The following AFAP1L2 variants were observed in gnomAD, a reference collection of about 807,000 sequenced individuals.
AFAP1L2 encodes the protein actin filament-associated protein 1-like 2.
Under a neutral mutation model 99.3 loss-of-function variants are expected in AFAP1L2, and 46 were observed. That is an observed-to-expected ratio of 0.46 (90% confidence interval 0.37 to 0.59). The LOEUF is 0.59. Among genes scored for constraint, AFAP1L2 ranks in the 20% least tolerant of loss-of-function variants. The pLI is 0.00. For missense variants in AFAP1L2, 959 were observed against 1,034.9 expected, an observed-to-expected ratio of 0.93 and a Z score of 1.01; for synonymous variants, 397 against 419.1, an observed-to-expected ratio of 0.95 and a Z score of 0.64.
rs200340308 is a variant in AFAP1L2 at position 114,307,862 on chromosome 10, G to C, written c.1015C>G (p.Leu339Val). 1 of 1,614,168 alleles carries C rather than the reference G, an allele frequency of 6.2e-7. No homozygotes were observed. Among genetic ancestry groups the C allele is most frequent in the African/African-American group, 1.3e-5 (1 of 75,036 alleles). Residue 339 changes from leucine to valine, a missense_variant, in exon 10 of 19, where the codon CTG (leucine) becomes GTG (valine). Leu to Val is a conservative substitution (Grantham distance 32). This residue lies in a region of AFAP1L2 where 383 missense variants were observed against 472.8 expected (regional missense o/e 0.81). Coordinates refer to ENST00000304129, the MANE Select transcript of AFAP1L2 (RefSeq NM_001001936.3). Reference protein sequence around the residue: ...AGLKLSNLMNLGRKKSTSLEP... With the variant: ...AGLKLSNLMNVGRKKSTSLEP... ...AGTGAGGTGGATTTCTTCCTGCCCA[G>C]ATTCATTAGGTTGCTCAGTTTGAGG...
chr10:114,289,364 G>A, the AFAP1L2 span: 3 of 1,614,216 alleles, frequency 1.9e-6, no homozygotes, highest in Non-Finnish European at 2.5e-6. Flanking sequence ...TTGGTCGTGG[G>A]CGTGGGGCCT....
chr10:114,297,178 G>A, intron 17 of AFAP1L2, 42 bp downstream of exon 17: 2 of 1,609,590 alleles, frequency 1.2e-6, no homozygotes, highest in Non-Finnish European at 8.5e-7. Flanking sequence ...CATGTCCAGG[G>A]AGCCCTGCAA....
chr10:114,290,089 A>G (rs2039417607), downstream of AFAP1L2: 1 of 979,446 alleles, frequency 1.0e-6, no homozygotes, highest in Admixed American at 2.7e-5. Flanking sequence ...TAACCTAGCC[A>G]AGTGGTATGC....
At chr10:114,379,986 C>T (rs1288537878) in intron 1 of AFAP1L2, among the ~76,000 whole-genome samples, 2 of 152,216 alleles carry the variant, frequency 1.3e-5, no homozygotes, top group Non-Finnish European at 2.9e-5. Flanking sequence ...TGTGAGGCGG[C>T]AGGGGCGGGG....
chr10:114,390,763 C>G (rs548535077), intron 1 of AFAP1L2, among the ~76,000 whole-genome samples: 1 of 150,656 alleles, frequency 6.6e-6, no homozygotes, highest in African/African-American at 2.4e-5. Flanking sequence ...TCCAGACTGG[C>G]TGTACTAGCC....
At chr10:114,339,695 G>A (rs773528594) in intron 2 of AFAP1L2, among the ~76,000 whole-genome samples, 9 of 152,180 alleles carry the variant, frequency 5.9e-5, no homozygotes, top group South Asian at 2.1e-4. Flanking sequence ...GACCCTAATC[G>A]ACTATGACTG....
Position 114,370,436 on chromosome 10 carries a change from G to A in AFAP1L2, c.17-29705C>T, listed in dbSNP as rs141937405. 6.0e-3 allele frequency among the ~76,000 whole-genome samples: 915 copies of A among 152,330 alleles called. 8 individuals are homozygous for A. Among genetic ancestry groups the A allele is most frequent in the African/African-American group, 0.021 (876 of 41,574 alleles). ...ACTTCCACCCTCACATGAACAGGAT[G>A]TAAGAGTCTGGGTAAGCCCAGCAGG... On this transcript the variant is annotated intron_variant, in intron 1 of 18. Coordinates refer to ENST00000304129, the MANE Select transcript of AFAP1L2 (RefSeq NM_001001936.3).
chr10:114,333,227 C>A lies in AFAP1L2; in HGVS notation c.214G>T (p.Gly72Cys). 6.2e-7 allele frequency: 1 copy of A among 1,613,366 alleles called. No individual in the cohort carries two copies. The highest frequency in any genetic ancestry group is 8.5e-7 in the Non-Finnish European group (1 of 1,179,712). The change falls in exon 3 of 19, where the codon GGC becomes TGC. Residue 72 changes from glycine (G) to cysteine (C), a missense_variant. Physicochemically the swap from Gly to Cys is radical, Grantham distance 159. Around this residue, in one of 2 missense-constraint regions of AFAP1L2, gnomAD observed 383 missense variants for 472.8 expected, o/e 0.81. Coordinates refer to ENST00000304129, the MANE Select transcript of AFAP1L2 (RefSeq NM_001001936.3). ...INKQQNAESQ[G>C]KAPEEQGLLP... ...AGTGATCCCAGCCTCATACCTTTGC[C>A]TTGAGACTCTGCATTCTGTTGCTTG...
intron 1 of AFAP1L2, among the ~76,000 whole-genome samples, chr10:114,380,137 G>A (rs945573963): frequency 4.7e-4 from 72 of 152,108 alleles, no homozygotes; most frequent in African/African-American, 1.7e-3. Flanking sequence ...ATTTATGTCC[G>A]AGAGGCTTTC....
intron 1 of AFAP1L2, among the ~76,000 whole-genome samples, chr10:114,360,509 TTAGATAGATAGATAGA>T (rs57811868): frequency 7.4e-5 from 8 of 107,420 alleles, no homozygotes; most frequent in South Asian, 3.6e-4. Flanking sequence ...AGATAGATAG[TTAGATAGATAGATAGA>T]TAGATAGATA....
At chr10:114,314,557 C>T (rs1431467211) in intron 6 of AFAP1L2, among the ~76,000 whole-genome samples, 1 of 152,158 alleles carries the variant, frequency 6.6e-6, no homozygotes, top group Non-Finnish European at 1.5e-5. Flanking sequence ...ATACTTTATC[C>T]CTTGGCTTCC....
intron 1 of AFAP1L2, among the ~76,000 whole-genome samples, chr10:114,403,398 C>A (rs2058407193): frequency 1.3e-5 from 2 of 152,218 alleles, no homozygotes; most frequent in Non-Finnish European, 2.9e-5. Context: ...GATCAGAGCC[C>A]TCCGGGAGTG....
chr10:114,374,650 C>A (rs1479607093), intron 1 of AFAP1L2, among the ~76,000 whole-genome samples: 1 of 152,004 alleles, frequency 6.6e-6, no homozygotes, highest in Non-Finnish European at 1.5e-5. Context: ...AACTCACCCC[C>A]TCGCTGGATG....
chr10:114,404,141 G>A (rs997235814), intron 1 of AFAP1L2, among the ~76,000 whole-genome samples: 5 of 152,120 alleles, frequency 3.3e-5, no homozygotes, highest in African/African-American at 9.7e-5. Context: ...GGTGGAGTGG[G>A]GTGCCGGGCT....
chr10:114,326,249 C>A (rs1024875951), intron 4 of AFAP1L2, among the ~76,000 whole-genome samples: 1 of 152,164 alleles, frequency 6.6e-6, no homozygotes, highest in Non-Finnish European at 1.5e-5. Flanking sequence ...ATGTATCAAG[C>A]CCAGGAGTAT....
chr10:114,396,374 C>T (rs1287723880), intron 1 of AFAP1L2, among the ~76,000 whole-genome samples: 1 of 152,230 alleles, frequency 6.6e-6, no homozygotes, highest in East Asian at 1.9e-4. Flanking sequence ...CAGAGTGATA[C>T]TTCTTCCTTC....
At chr10:114,339,228 G>A (rs965594105) in intron 2 of AFAP1L2, among the ~76,000 whole-genome samples, 122 of 152,356 alleles carry the variant, frequency 8.0e-4, no homozygotes, top group African/African-American at 2.9e-3. Context: ...GGAGGCCGAG[G>A]CGGGCGGATC....
chr10:114,362,081 G>A (rs1169255015), intron 1 of AFAP1L2, among the ~76,000 whole-genome samples: 1 of 152,238 alleles, frequency 6.6e-6, no homozygotes, highest in Non-Finnish European at 1.5e-5. Flanking sequence ...GTGAACTTCA[G>A]CAAGTTTTAT....
Position 114,404,456 on chromosome 10 carries a change from C to T in AFAP1L2, c.-1G>A, listed in dbSNP as rs373877915. ...CGCCCTCACCTTTGTACCGCTCCAT[C>T]GGGGCCACGGAGTGCGCTCCTCGCG... On this transcript the variant is annotated 5_prime_UTR_variant, in exon 1 of 19. Coordinates refer to ENST00000304129, the MANE Select transcript of AFAP1L2 (RefSeq NM_001001936.3). 4 of 1,540,164 alleles carry T rather than the reference C, an allele frequency of 2.6e-6. No individual in the cohort carries two copies. Among genetic ancestry groups the T allele is most frequent in the East Asian group, 4.9e-5 (2 of 40,448 alleles).
Sources: gnomAD v4.1 joint callset for allele counts (sites outside exome capture counted in the v4.1 genomes callset) on GRCh38, gnomAD v4.1.1 for gene constraint, gnomAD v4.1.1 regional missense constraint, MANE v1.5 for transcripts, NCBI Gene and HGNC (gene_info 2026-07-23, HGNC 2026-07-21) for gene names.